Variants in ERBB4 observed in about 807,000 individuals in gnomAD.
ERBB4 encodes receptor tyrosine-protein kinase erbB-4.
Under a neutral mutation model 158.0 loss-of-function variants are expected in ERBB4, and 42 were observed. The ratio of observed to expected loss-of-function variants is 0.27; its 90% CI spans 0.21 to 0.34. The LOEUF is 0.34. ERBB4 is among the 10% of genes least tolerant of loss of function. ERBB4 has a pLI of 1.00. For missense variants in ERBB4, 1,333 were observed against 1,624.1 expected, an observed-to-expected ratio of 0.82 and a Z score of 3.08; for synonymous variants, 583 against 558.7, an observed-to-expected ratio of 1.04 and a Z score of -0.61.
intron 19 of ERBB4, among the ~76,000 whole-genome samples, chr2:211,593,611 T>A (rs773348638): frequency 6.6e-6 from 1 of 152,182 alleles, no homozygotes; most frequent in Non-Finnish European, 1.5e-5. Flanking sequence ...GCTTCTCCCA[T>A]CAAATGCAGT....
chr2:212,362,635 C>T (rs916313801), intron 1 of ERBB4, among the ~76,000 whole-genome samples: 3 of 150,664 alleles, frequency 2.0e-5, no homozygotes, highest in Non-Finnish European at 3.0e-5. Context: ...TTATAAATTG[C>T]CATATTTCAG....
At chr2:212,192,037 G>A (rs201643026) in intron 1 of ERBB4, among the ~76,000 whole-genome samples, 813 of 5,452 alleles carry the variant, frequency 0.15, 6 homozygotes, top group African/African-American at 0.21. Context: ...TATGTTATAT[G>A]TTATATATAT....
At position 212,307,118 on chromosome 2, in the gene ERBB4, G is replaced by A. The variant is rs1169140387; in HGVS notation, c.83-182215C>T. Among the ~76,000 whole-genome samples, 3 of 151,264 alleles carry A rather than the reference G, an allele frequency of 2.0e-5. No homozygotes were observed. The East Asian group carries it at 5.9e-4, about 30-fold the overall frequency. ...AGGCCTACATTCCAATCAGAGCTCA[G>A]TTACTCATTATCTGTGTATCCTGGG... is the stretch of plus-strand genomic sequence containing the variant. On this transcript the variant is annotated intron_variant, in intron 1 of 27. Coordinates refer to ENST00000342788, the MANE Select transcript of ERBB4 (RefSeq NM_005235.3).
chr2:211,617,592 T>C lies in ERBB4; in HGVS notation c.2301+1585A>G, dbSNP rs2069440168. Among the ~76,000 whole-genome samples, 2 of 151,986 alleles carry C rather than the reference T, an allele frequency of 1.3e-5. 1 individual carries two copies. Among genetic ancestry groups the C allele is most frequent in the South Asian group, 4.1e-4 (2 of 4,834 alleles). On this transcript the variant is annotated intron_variant, in intron 19 of 27. Transcript: ENST00000342788. ...ACTGGTAAGGCATGAAACCAACCAATCCGAAAAGCTGGTTTGTACAGGCTG... is the reference window on the plus strand; with the variant it reads ...ACTGGTAAGGCATGAAACCAACCAACCCGAAAAGCTGGTTTGTACAGGCTG...
intron 1 of ERBB4, among the ~76,000 whole-genome samples, chr2:212,459,572 A>G (rs1688469464): frequency 6.6e-6 from 1 of 152,190 alleles, no homozygotes; most frequent in African/African-American, 2.4e-5. Flanking sequence ...TACCAATGAC[A>G]TTCTTCACAA....
At chr2:211,747,214 A>G (rs763844018) in intron 5 of ERBB4, among the ~76,000 whole-genome samples, 3 of 152,096 alleles carry the variant, frequency 2.0e-5, no homozygotes, top group South Asian at 2.1e-4. Context: ...AGATTTCTCA[A>G]CCCTCAGTAC....
intron 8 of ERBB4, 107 bp from the exon 9 acceptor site, chr2:211,712,283 A>T: frequency 9.3e-7 from 1 of 1,074,808 alleles, no homozygotes; most frequent in Non-Finnish European, 1.4e-6. Context: ...TGTAACATAT[A>T]AAATATATTA....
chr2:211,480,515 C>A (rs570228998), intron 20 of ERBB4, among the ~76,000 whole-genome samples: 1 of 152,216 alleles, frequency 6.6e-6, no homozygotes, highest in East Asian at 1.9e-4. Context: ...GCCCTTCTTT[C>A]GTGATTGTAA....
At chr2:211,865,106 T>C (rs150726333) in intron 3 of ERBB4, among the ~76,000 whole-genome samples, 111 of 152,166 alleles carry the variant, frequency 7.3e-4, no homozygotes, top group African/African-American at 2.5e-3. Flanking sequence ...GGTGCTTCCT[T>C]GCAGACATCT....
At chr2:211,968,488 A>G (rs919577354) in intron 2 of ERBB4, among the ~76,000 whole-genome samples, 2 of 152,086 alleles carry the variant, frequency 1.3e-5, no homozygotes, top group Non-Finnish European at 2.9e-5. Flanking sequence ...TATGAAATAC[A>G]TAAAACAGAG....
chr2:211,506,463 T>C (rs78314086), intron 20 of ERBB4, among the ~76,000 whole-genome samples: 10,386 of 152,120 alleles, frequency 0.068, 515 homozygotes, highest in Middle Eastern at 0.13. Flanking sequence ...TATCCTTTTT[T>C]TTCTTTCATC....
At chr2:212,063,320 A>G (rs1283283755) in intron 2 of ERBB4, among the ~76,000 whole-genome samples, 3 of 152,122 alleles carry the variant, frequency 2.0e-5, no homozygotes, top group Non-Finnish European at 4.4e-5. Context: ...CTTGAATTTC[A>G]AAAATGTGTA....
At chr2:211,507,768 A>C (rs550761414) in intron 20 of ERBB4, among the ~76,000 whole-genome samples, 1 of 152,158 alleles carries the variant, frequency 6.6e-6, no homozygotes, top group Admixed American at 6.5e-5. Context: ...ACAGCATGGT[A>C]GTGGTAACAA....
chr2:211,607,110 G>A (rs2069011533), intron 19 of ERBB4, among the ~76,000 whole-genome samples: 1 of 151,870 alleles, frequency 6.6e-6, no homozygotes, highest in African/African-American at 2.4e-5. Flanking sequence ...AGGTCAAGTG[G>A]GCCCTTAGAT....
chr2:211,935,195 T>C (rs1345029381), intron 3 of ERBB4, among the ~76,000 whole-genome samples: 2 of 152,180 alleles, frequency 1.3e-5, no homozygotes, highest in Non-Finnish European at 2.9e-5. Flanking sequence ...ATCTTCAAAA[T>C]AGAAAGAATC....
At chr2:211,398,645 A>AGAT (rs1343549331) in intron 25 of ERBB4, among the ~76,000 whole-genome samples, 2 of 152,168 alleles carry the variant, frequency 1.3e-5, no homozygotes, top group Non-Finnish European at 2.9e-5. Flanking sequence ...GTTCAAGACC[A>AGAT]GATGGTGAAA....
intron 1 of ERBB4, among the ~76,000 whole-genome samples, chr2:212,221,875 A>G (rs1026776798): frequency 2.0e-5 from 3 of 151,376 alleles, no homozygotes; most frequent in Non-Finnish European, 4.4e-5. Context: ...TATCCTCCAA[A>G]AACGGTTCTC....
chr2:211,562,678 A>T (rs2067431810), intron 19 of ERBB4, among the ~76,000 whole-genome samples: 1 of 152,042 alleles, frequency 6.6e-6, no homozygotes. Flanking sequence ...CCTTTCCTCA[A>T]ATTTATTTCA....
At chr2:212,128,091 C>T (rs904292916) in intron 1 of ERBB4, among the ~76,000 whole-genome samples, 3 of 152,222 alleles carry the variant, frequency 2.0e-5, no homozygotes, top group Non-Finnish European at 4.4e-5. Context: ...CCATGCTACA[C>T]TTCCATTGCT....
Sources: allele counts gnomAD v4.1 joint callset (sites outside exome capture counted in the v4.1 genomes callset), GRCh38; gene constraint gnomAD v4.1.1; transcripts MANE v1.5; gene names NCBI Gene and HGNC (gene_info 2026-07-23, HGNC 2026-07-21).